Variants in IRF2BP2 observed in about 807,000 individuals in gnomAD.
IRF2BP2 encodes interferon regulatory factor 2-binding protein 2.
Under a neutral mutation model 32.7 loss-of-function variants are expected in IRF2BP2, and 13 were observed. That is an observed-to-expected ratio of 0.40 (90% CI 0.26 to 0.63). The LOEUF is 0.63. Among genes scored for constraint, IRF2BP2 ranks in the 30% least tolerant of loss-of-function variants. The pLI is 0.42. For synonymous variants in IRF2BP2, 555 were observed against 384.6 expected, an observed-to-expected ratio of 1.44 and a Z score of -5.18; for missense variants, 980 against 830.6, an observed-to-expected ratio of 1.18 and a Z score of -2.21.
At position 234,608,516 on chromosome 1, in the gene IRF2BP2, T is replaced by C; in HGVS notation, c.979A>G (p.Lys327Glu). ...HSGPFESKFK[K>E]EPALTAGRLL... ...CTGCCTGCAGTCAGGGCCGGCTCCT[T>C]CTTAAACTTGCTCTCGAAGGGCCCC... Residue 327 changes from lysine to glutamate, a missense_variant, in exon 1 of 2, where the codon AAG (lysine) becomes GAG (glutamate). Transcript: ENST00000366609. 6.2e-7 allele frequency: 1 copy of C among 1,610,646 alleles called. No individual in the cohort carries two copies. Among genetic ancestry groups the C allele is most frequent in the East Asian group, 2.2e-5 (1 of 44,718 alleles).
chr1:234,607,740 G>C lies in IRF2BP2; in HGVS notation c.1161C>G (p.Leu387=). The change falls in exon 2 of 2, where the codon CTC becomes CTG. Residue 387 remains leucine (L), a synonymous_variant. Transcript: ENST00000366609. ...QPWLSTSTEG[L]KIPMTPTSSF... is the part of the protein sequence containing the mutation. ...AGGATGTAGGAGTCATGGGGATCTT[G>C]AGCCCCTCTGTGGATGTGGACAGCC... is the stretch of plus-strand genomic sequence containing the variant. The C allele has an allele frequency of 1.9e-6, 3 of 1,614,174 alleles. No homozygotes were observed. The highest frequency in any genetic ancestry group is 1.3e-5 in the African/African-American group (1 of 75,060).
chr1:234,608,997 C>T lies in IRF2BP2; in HGVS notation c.498G>A (p.Glu166=), dbSNP rs748843563. ...ILVPNGFSKL[E]EPPELNRQSP... is the part of the protein sequence containing the mutation. ...TCTGGCGATTCAGCTCGGGCGGCTC[C>T]TCTAGCTTGGAGAAGCCGTTGGGCA... The change falls in exon 1 of 2, where the codon GAG becomes GAA. Residue 166 remains glutamate (E), a synonymous_variant. Coordinates refer to ENST00000366609, the MANE Select transcript of IRF2BP2 (RefSeq NM_182972.3). The T allele has an allele frequency of 2.2e-6, 3 of 1,345,516 alleles. No individual in the cohort carries two copies. Among genetic ancestry groups the T allele is most frequent in the Non-Finnish European group, 2.8e-6 (3 of 1,053,726 alleles). The allele number at this position is 1,345,516 out of a possible 1,614,324, so 83.3% of individuals were successfully genotyped here.
chr1:234,608,948 C>T lies in IRF2BP2; in HGVS notation c.547G>A (p.Ala183Thr). ...AGCGGCACCAGGGTGGGCGGCACCG[C>T]GTGGCCGCGCCGCGGGTTCGGGCTC... ...RQSPNPRRGHAVPPTLVPLMN... is the reference protein window; with the variant it reads ...RQSPNPRRGHTVPPTLVPLMN... The change falls in exon 1 of 2, where the codon GCG becomes ACG. Residue 183 changes from alanine (A) to threonine (T), a missense_variant. Coordinates refer to ENST00000366609, the MANE Select transcript of IRF2BP2 (RefSeq NM_182972.3). The T allele has an allele frequency of 7.3e-7, 1 of 1,360,602 alleles. No homozygotes were observed. Among genetic ancestry groups the T allele is most frequent in the African/African-American group, 1.5e-5 (1 of 66,496 alleles). 84.3% of individuals were successfully genotyped at this position (1,360,602 alleles called of 1,614,324 possible). A position where few individuals can be genotyped will look rare whatever the true frequency, so the allele number is the denominator to read the frequency against.
In IRF2BP2 at chr1:234,609,114, C is replaced by T. The variant is rs1672266764; in HGVS notation, c.381G>A (p.Pro127=). 2 of 1,228,032 alleles carry T rather than the reference C, an allele frequency of 1.6e-6. No homozygotes were observed. The highest frequency in any genetic ancestry group is 1.6e-5 in the African/African-American group (1 of 63,408). The allele number at this position is 1,228,032 out of a possible 1,614,324, so 76.1% of individuals were successfully genotyped here. ...YPLAAAAERP[P]RLGSDFGSSR... ...TGCTGCCGAAGTCAGAGCCGAGGCG[C>T]GGGGGCCTCTCGGCCGCGGCCGCCA... The change falls in exon 1 of 2, where the codon CCG becomes CCA. Residue 127 remains proline (P), a synonymous_variant. Coordinates refer to ENST00000366609, the MANE Select transcript of IRF2BP2 (RefSeq NM_182972.3).
chr1:234,608,989 G>A lies in IRF2BP2; in HGVS notation c.506C>T (p.Pro169Leu), dbSNP rs747571597. Reference sequence around the variant, plus strand: ...GTTCGGGCTCTGGCGATTCAGCTCGGGCGGCTCCTCTAGCTTGGAGAAGCC... The same window carrying A: ...GTTCGGGCTCTGGCGATTCAGCTCGAGCGGCTCCTCTAGCTTGGAGAAGCC... ...PNGFSKLEEP[P>L]ELNRQSPNPR... is the part of the protein sequence containing the mutation. The change falls in exon 1 of 2, where the codon CCC (proline) becomes CTC (leucine). Residue 169 changes from proline (P) to leucine (L), a missense_variant. Physicochemically the swap from Pro to Leu is moderately conservative, Grantham distance 98. Transcript: ENST00000366609. 3 of 1,352,590 alleles carry A rather than the reference G, an allele frequency of 2.2e-6. No homozygotes were observed. The highest frequency in any genetic ancestry group is 2.8e-6 in the Non-Finnish European group (3 of 1,057,324). The allele number at this position is 1,352,590 out of a possible 1,614,324, so 83.8% of individuals were successfully genotyped here.
chr1:234,608,658 G>T lies in IRF2BP2; in HGVS notation c.837C>A (p.Ala279=), dbSNP rs761297436. ...PADSLSTAAG[A]AELSAEGAGK... Reference sequence around the variant, plus strand: ...CCGCACCTTCCGCGCTCAGCTCGGCGGCCCCGGCCGCGGTGGACAGGCTGT... The same window carrying T: ...CCGCACCTTCCGCGCTCAGCTCGGCTGCCCCGGCCGCGGTGGACAGGCTGT... Residue 279 remains alanine, a synonymous_variant, in exon 1 of 2, where the codon GCC becomes GCA. Transcript: ENST00000366609. 4 of 1,533,048 alleles carry T rather than the reference G, an allele frequency of 2.6e-6. No individual in the cohort carries two copies. The highest frequency in any genetic ancestry group is 2.9e-5 in the African/African-American group (2 of 69,704). The allele number at this position is 1,533,048 out of a possible 1,614,324, so 95.0% of individuals were successfully genotyped here. A position where few individuals can be genotyped will look rare whatever the true frequency, so the allele number is the denominator to read the frequency against.
Position 234,609,498 on chromosome 1 carries a change from C to G in IRF2BP2, c.-4G>C, listed in dbSNP as rs138550036. The stretch of plus-strand genomic sequence containing the variant: ...CCACCGCCACCGCCGCGGCCATGTC[C>G]GAGGAGCCCGCGACGCCGGAGGAGG... On this transcript the variant is annotated 5_prime_UTR_variant, in exon 1 of 2. Transcript: ENST00000366609. The G allele has an allele frequency of 4.8e-3, 6,999 of 1,472,108 alleles. 297 individuals carry two copies. In the African/African-American group the frequency reaches 0.09, roughly 19 times the overall value. 91.2% of individuals were successfully genotyped at this position (1,472,108 alleles called of 1,614,324 possible). A position where few individuals can be genotyped will look rare whatever the true frequency, so the allele number is the denominator to read the frequency against.
In IRF2BP2 at chr1:234,609,499, G is replaced by A. The variant is rs369482262; in HGVS notation, c.-5C>T. The A allele has an allele frequency of 4.8e-4, 701 of 1,472,064 alleles. No individual in the cohort carries two copies. Among genetic ancestry groups the A allele is most frequent in the Non-Finnish European group, 6.0e-4 (669 of 1,108,442 alleles). 91.2% of individuals were successfully genotyped at this position (1,472,064 alleles called of 1,614,324 possible). A position where few individuals can be genotyped will look rare whatever the true frequency, so the allele number is the denominator to read the frequency against. ...CACCGCCACCGCCGCGGCCATGTCC[G>A]AGGAGCCCGCGACGCCGGAGGAGGA... On this transcript the variant is annotated 5_prime_UTR_variant, in exon 1 of 2. Transcript: ENST00000366609.
rs1258403543 is a variant in IRF2BP2, at chr1:234,609,863, G to A, written c.-369C>T. Among the ~76,000 whole-genome samples, 12 of 140,892 alleles carry A rather than the reference G, an allele frequency of 8.5e-5. No homozygotes were observed. The highest frequency in any genetic ancestry group is 1.6e-5 in the Non-Finnish European group (1 of 63,660). The allele number at this position is 140,892 out of a possible 152,430, so 92.4% of individuals were successfully genotyped here. A position where few individuals can be genotyped will look rare whatever the true frequency, so the allele number is the denominator to read the frequency against. ...ACCGGGGCGAAGACGGGCCGCGCGG[G>A]CGCGGGGGAGCGCAGCAGGTCGCGG... On this transcript the variant is annotated 5_prime_UTR_variant, in exon 1 of 2. Transcript: ENST00000366609.
chr1:234,605,670 AAC>A lies in IRF2BP2; in HGVS notation c.*1465_*1466del, dbSNP rs1388203687. ...AGCCTAATTATAAGGCCAAGTTACA[AAC>A]ACCTGAACGTAAGGATTTAAAATAG... On this transcript the variant is annotated 3_prime_UTR_variant, in exon 2 of 2. Coordinates refer to ENST00000366609, the MANE Select transcript of IRF2BP2 (RefSeq NM_182972.3). The A allele has an allele frequency of 1.3e-5, 2 of 152,264 alleles. No homozygotes were observed. Among genetic ancestry groups the A allele is most frequent in the Admixed American group, 1.3e-4 (2 of 15,290 alleles). 9.4% of individuals were successfully genotyped at this position (152,264 alleles called of 1,614,324 possible).
At chr1:234,608,118 A>T in intron 1 of IRF2BP2, 1 of 542,092 alleles carries the variant, frequency 1.8e-6, no homozygotes, top group East Asian at 3.0e-5. Flanking sequence ...CATGCACAAA[A>T]GTACCCTCGT....
In IRF2BP2 at chr1:234,610,112, G is replaced by A. The variant is rs1044235027; in HGVS notation, c.-618C>T. Among the ~76,000 whole-genome samples the A allele has an allele frequency of 6.7e-6, 1 of 148,252 alleles. No homozygotes were observed. The highest frequency in any genetic ancestry group is 1.5e-5 in the Non-Finnish European group (1 of 66,452). On this transcript the variant is annotated 5_prime_UTR_variant, in exon 1 of 2. Transcript: ENST00000366609. ...TCTCCAGCGCCAGCGTCAGCGGCCAGCCCGCCTCAGCTCCGCCGCCGCCAC... is the reference window on the plus strand; with the variant it reads ...TCTCCAGCGCCAGCGTCAGCGGCCAACCCGCCTCAGCTCCGCCGCCGCCAC...
In IRF2BP2 at chr1:234,606,119, A is replaced by T. The variant is rs1672153368; in HGVS notation, c.*1018T>A. 6.6e-6 allele frequency: 1 copy of T among 152,290 alleles called. No homozygotes were observed. The highest frequency in any genetic ancestry group is 2.4e-5 in the African/African-American group (1 of 41,468). The allele number at this position is 152,290 out of a possible 1,614,324, so 9.4% of individuals were successfully genotyped here. A position where few individuals can be genotyped will look rare whatever the true frequency, so the allele number is the denominator to read the frequency against. On this transcript the variant is annotated 3_prime_UTR_variant, in exon 2 of 2. Transcript: ENST00000366609. ...CTAGAAACAGGGTATAGGTGATAGT[A>T]TCAACAGCAATAGCACTACAGGTAA...
At chr1:234,608,031 T>G (rs1672215241) in intron 1 of IRF2BP2, 179 bp from the exon 2 acceptor site, 1 of 585,664 alleles carries the variant, frequency 1.7e-6, no homozygotes, top group East Asian at 2.8e-5. Flanking sequence ...CCTTCAGGCG[T>G]ACGGGATTCT....
In IRF2BP2 at chr1:234,608,462, T is replaced by C. The variant is rs774502507; in HGVS notation, c.1033A>G (p.Asn345Asp). The change falls in exon 1 of 2, where the codon AAC becomes GAC. Residue 345 changes from asparagine to aspartate, a missense_variant. Transcript: ENST00000366609. ...CCGCCCCTACCTGCTTTAGACCCGT[T>C]GGCCCCGTTGGCCTCGAAACCCAAC... The part of the protein sequence containing the change: ...RLLGFEANGA[N>D]GSKAVARTAR... 2.5e-6 allele frequency: 4 copies of C among 1,586,900 alleles called. No individual in the cohort carries two copies. Among genetic ancestry groups the C allele is most frequent in the Non-Finnish European group, 3.4e-6 (4 of 1,164,846 alleles).
At position 234,609,524 on chromosome 1, in the gene IRF2BP2, AGGCGGAGGAGGAGGAGGG is replaced by A. The variant is rs1558310132; in HGVS notation, c.-48_-31del. 7 of 1,380,108 alleles carry A rather than the reference AGGCGGAGGAGGAGGAGGG, an allele frequency of 5.1e-6. No individual in the cohort carries two copies. Among genetic ancestry groups the A allele is most frequent in the East Asian group, 3.1e-5 (1 of 31,924 alleles). 85.5% of individuals were successfully genotyped at this position (1,380,108 alleles called of 1,614,324 possible). On this transcript the variant is annotated 5_prime_UTR_variant, in exon 1 of 2. Coordinates refer to ENST00000366609, the MANE Select transcript of IRF2BP2 (RefSeq NM_182972.3). ...GAGGAGCCCGCGACGCCGGAGGAGG[AGGCGGAGGAGGAGGAGGG>A]GGCGCCGCCGCCGCCCCCCACCGGC...
In IRF2BP2 at chr1:234,607,362, C is replaced by T. The variant is rs1475214012; in HGVS notation, c.1539G>A (p.Leu513=). 6.2e-7 allele frequency: 1 copy of T among 1,614,208 alleles called. No homozygotes were observed. Among genetic ancestry groups the T allele is most frequent in the South Asian group, 1.1e-5 (1 of 91,088 alleles). Residue 513 remains leucine, a synonymous_variant, in exon 2 of 2, where the codon CTG becomes CTA. Coordinates refer to ENST00000366609, the MANE Select transcript of IRF2BP2 (RefSeq NM_182972.3). ...PLCCTLCHER[L]EDTHFVQCPS... The stretch of plus-strand genomic sequence containing the variant: ...GGCACTGCACAAAATGGGTGTCCTC[C>T]AGCCGCTCGTGGCAGAGGGTGCAGC...
In IRF2BP2 at chr1:234,607,730, T is replaced by C. The variant is rs776982084; in HGVS notation, c.1171A>G (p.Met391Val). The C allele has an allele frequency of 6.2e-6, 10 of 1,614,156 alleles. No individual in the cohort carries two copies. The East Asian group carries it at 6.7e-5, about 11-fold the overall frequency. ...STSTEGLKIPMTPTSSFVSPP... is the reference protein window; with the variant it reads ...STSTEGLKIPVTPTSSFVSPP... ...GACACAAAAGAGGATGTAGGAGTCATGGGGATCTTGAGCCCCTCTGTGGAT... is the reference window on the plus strand; with the variant it reads ...GACACAAAAGAGGATGTAGGAGTCACGGGGATCTTGAGCCCCTCTGTGGAT... Residue 391 changes from methionine (M) to valine (V), a missense_variant, in exon 2 of 2, where the codon ATG becomes GTG. Met to Val is a conservative substitution (Grantham distance 21). Coordinates refer to ENST00000366609, the MANE Select transcript of IRF2BP2 (RefSeq NM_182972.3).
At position 234,609,143 on chromosome 1, in the gene IRF2BP2, G is replaced by T; in HGVS notation, c.352C>A (p.Pro118Thr). ...PRAPQALERY[P>T]LAAAAERPPR... The stretch of plus-strand genomic sequence containing the variant: ...GGCCTCTCGGCCGCGGCCGCCAACG[G>T]GTAGCGCTCCAAGGCCTGCGGCGCG... Residue 118 changes from proline (P) to threonine (T), a missense_variant, in exon 1 of 2, where the codon CCG becomes ACG. Transcript: ENST00000366609. The T allele has an allele frequency of 1.6e-6, 2 of 1,241,460 alleles. No individual in the cohort carries two copies. The highest frequency in any genetic ancestry group is 2.0e-6 in the Non-Finnish European group (2 of 995,048). 76.9% of individuals were successfully genotyped at this position (1,241,460 alleles called of 1,614,324 possible).
Sources: allele counts gnomAD v4.1 joint callset (sites outside exome capture counted in the v4.1 genomes callset), GRCh38; gene constraint gnomAD v4.1.1; transcripts MANE v1.5; gene names NCBI Gene and HGNC (gene_info 2026-07-23, HGNC 2026-07-21).